STAG1: variants seen among roughly 807,000 people sequenced by gnomAD.
STAG1 encodes STAG1 cohesin complex component.
Under a neutral mutation model 170.9 loss-of-function variants are expected in STAG1, and 26 were observed. The ratio of observed to expected loss-of-function variants is 0.15; its 90% CI spans 0.11 to 0.21. STAG1 has a LOEUF of 0.21. STAG1 is among the 10% of genes least tolerant of loss of function. STAG1 has a pLI of 1.00. For missense variants in STAG1, 964 were observed against 1,509.5 expected (o/e 0.64, Z 5.99); for synonymous variants, 514 against 497.7 (o/e 1.03, Z -0.44).
chr3:136,574,471 C>CACATATAT (rs1228848741), intron 4 of STAG1, among the ~76,000 whole-genome samples: 8 of 151,734 alleles, frequency 5.3e-5, no homozygotes, highest in Admixed American at 2.6e-4. Context: ...TACATACACA[C>CACATATAT]ACATATATAC....
Position 136,359,215 on chromosome 3 carries a change from G to A in STAG1, c.2869C>T (p.Arg957Cys). ...AHVSGIKELARRFALTFGLDQ... is the reference protein window; with the variant it reads ...AHVSGIKELACRFALTFGLDQ... ...AATCCAAATGTAAGGGCAAAGCGAC[G>A]TGCCAGTTCTTTAATGCCACTGACA... The change falls in exon 27 of 34, where the codon CGT becomes TGT. Residue 957 changes from arginine to cysteine, a missense_variant. This residue lies in a region of STAG1 where 149 missense variants were observed against 301.3 expected (regional missense o/e 0.49). Transcript: ENST00000383202. The A allele has an allele frequency of 6.2e-7, 1 of 1,613,838 alleles. No homozygotes were observed. The highest frequency in any genetic ancestry group is 1.3e-5 in the African/African-American group (1 of 75,036).
chr3:136,597,914 T>G (rs921116190), intron 4 of STAG1, among the ~76,000 whole-genome samples: 1 of 152,124 alleles, frequency 6.6e-6, no homozygotes, highest in African/African-American at 2.4e-5. Context: ...AGCTGTAGGT[T>G]TGGGGGAGAT....
At chr3:136,657,392 T>C (rs568563106) in intron 1 of STAG1, among the ~76,000 whole-genome samples, 1 of 151,620 alleles carries the variant, frequency 6.6e-6, no homozygotes, top group Non-Finnish European at 1.5e-5. Context: ...AGAGACAGGG[T>C]TTCACCATGC....
At chr3:136,588,012 C>G (rs1408313578) in intron 4 of STAG1, among the ~76,000 whole-genome samples, 1 of 152,070 alleles carries the variant, frequency 6.6e-6, no homozygotes, top group African/African-American at 2.4e-5. Flanking sequence ...AATATTAGGT[C>G]AAAGTAAGAG....
chr3:136,545,211 A>C (rs906058193), intron 5 of STAG1, among the ~76,000 whole-genome samples: 8 of 151,926 alleles, frequency 5.3e-5, no homozygotes, highest in African/African-American at 1.9e-4. Context: ...ACCACGTGTA[A>C]TTATTCTCTA....
chr3:136,421,991 T>TA (rs1302971745), intron 19 of STAG1, among the ~76,000 whole-genome samples: 3 of 151,454 alleles, frequency 2.0e-5, no homozygotes, highest in Non-Finnish European at 2.9e-5. Flanking sequence ...CTACTAAAAA[T>TA]AAAAAAACAG....
At chr3:136,358,606 ACT>A (rs2108280448) in intron 27 of STAG1, among the ~76,000 whole-genome samples, 1 of 152,156 alleles carries the variant, frequency 6.6e-6, no homozygotes, top group South Asian at 2.1e-4. Context: ...TCAGGTTCTC[ACT>A]CTGTTTTCCA....
At chr3:136,377,386 C>CAAAAAAGAAAAAAA (rs1937660343) in intron 23 of STAG1, among the ~76,000 whole-genome samples, 1 of 42,582 alleles carries the variant, frequency 2.3e-5, no homozygotes, top group Non-Finnish European at 3.6e-5. Flanking sequence ...GACTCTGTCT[C>CAAAAAAGAAAAAAA]AAAAAAAAAA....
chr3:136,569,792 A>C (rs1937203819), intron 4 of STAG1, among the ~76,000 whole-genome samples: 1 of 152,128 alleles, frequency 6.6e-6, no homozygotes, highest in East Asian at 1.9e-4. Flanking sequence ...AAAATACCTA[A>C]GAATAAATCT....
At chr3:136,526,049 G>A (rs1935005015) in intron 6 of STAG1, among the ~76,000 whole-genome samples, 1 of 152,204 alleles carries the variant, frequency 6.6e-6, no homozygotes, top group Non-Finnish European at 1.5e-5. Flanking sequence ...GTATGACGTG[G>A]TGCTGAGAAG....
intron 7 of STAG1, among the ~76,000 whole-genome samples, chr3:136,510,385 G>T (rs1933995098): frequency 6.6e-6 from 1 of 152,094 alleles, no homozygotes; most frequent in Admixed American, 6.6e-5. Context: ...CGCCTCCCTG[G>T]TTCAAGTGAT....
intron 1 of STAG1, among the ~76,000 whole-genome samples, chr3:136,647,063 T>C (rs1209584692): frequency 1.3e-5 from 2 of 152,204 alleles, no homozygotes; most frequent in Non-Finnish European, 2.9e-5. Context: ...AACACCACTA[T>C]GTACACCTAA....
At chr3:136,379,623 G>C (rs552382853) in intron 22 of STAG1, among the ~76,000 whole-genome samples, 1 of 152,156 alleles carries the variant, frequency 6.6e-6, no homozygotes, top group Non-Finnish European at 1.5e-5. Flanking sequence ...GCAGGAGAAT[G>C]GCTTGAATCT....
At chr3:136,672,149 T>C (rs957770764) in intron 1 of STAG1, among the ~76,000 whole-genome samples, 3 of 152,212 alleles carry the variant, frequency 2.0e-5, no homozygotes, top group Non-Finnish European at 2.9e-5. Flanking sequence ...TAGCTGGCAG[T>C]CTGGCCAATA....
At chr3:136,366,510 T>A (rs891857072) in intron 25 of STAG1, among the ~76,000 whole-genome samples, 6 of 152,110 alleles carry the variant, frequency 3.9e-5, no homozygotes, top group African/African-American at 1.4e-4. Context: ...ATAATTGGAA[T>A]TGGACTACAC....
intron 13 of STAG1, among the ~76,000 whole-genome samples, chr3:136,458,613 TG>T (rs146385525): frequency 0.012 from 1,818 of 151,938 alleles, 37 homozygotes; most frequent in African/African-American, 0.042. Flanking sequence ...AAAAAATCAA[TG>T]GGATCTACAA....
chr3:136,658,282 A>G (rs1941461430), intron 1 of STAG1, among the ~76,000 whole-genome samples: 1 of 152,096 alleles, frequency 6.6e-6, no homozygotes, highest in Admixed American at 6.5e-5. Flanking sequence ...CATTTATTGA[A>G]CTTTAAGGTG....
At chr3:136,616,982 G>A (rs925991047) in intron 3 of STAG1, among the ~76,000 whole-genome samples, 2 of 151,966 alleles carry the variant, frequency 1.3e-5, no homozygotes, top group Non-Finnish European at 2.9e-5. Context: ...TGTGTGAAAG[G>A]CAATAATATA....
chr3:136,669,178 C>T (rs570830786), intron 1 of STAG1, among the ~76,000 whole-genome samples: 178 of 152,232 alleles, frequency 1.2e-3, no homozygotes, highest in African/African-American at 3.9e-3. Context: ...AAGGAACTTC[C>T]AATTGAAAAA....
Sources: gnomAD v4.1 joint callset for allele counts (sites outside exome capture counted in the v4.1 genomes callset) on GRCh38, gnomAD v4.1.1 for gene constraint, gnomAD v4.1.1 regional missense constraint, MANE v1.5 for transcripts, NCBI Gene and HGNC (gene_info 2026-07-23, HGNC 2026-07-21) for gene names.